Variants in EPC1 observed in about 807,000 individuals in gnomAD.
The protein encoded by EPC1 is enhancer of polycomb 1.
In EPC1, 12 loss-of-function variants were observed where a neutral mutation model predicts 98.4. The ratio of observed to expected loss-of-function variants is 0.12; its 90% confidence interval spans 0.08 to 0.20. The LOEUF is 0.20. Among genes scored for constraint, EPC1 ranks in the 10% least tolerant of loss-of-function variants. The pLI is 1.00. For missense variants in EPC1, 729 were observed against 990.5 expected (o/e 0.74, Z 3.54); for synonymous variants, 357 against 363.9 (o/e 0.98, Z 0.21).
Position 32,311,073 on chromosome 10 carries a change from G to C in EPC1, c.154-5142C>G, listed in dbSNP as rs1267999055. Among the ~76,000 whole-genome samples the C allele has an allele frequency of 3.3e-5, 5 of 152,278 alleles. No homozygotes were observed. The East Asian group carries it at 7.7e-4, about 24-fold the overall frequency. ...CGCCTGTAATCCCAGCACTTTGGGAGGCCAAGGCGGGCGGATCACGAGGTC... is the reference window on the plus strand; with the variant it reads ...CGCCTGTAATCCCAGCACTTTGGGACGCCAAGGCGGGCGGATCACGAGGTC... On this transcript the variant is annotated intron_variant, in intron 1 of 13. Transcript: ENST00000319778.
chr10:32,360,152 T>C (rs115633586), intron 1 of EPC1, among the ~76,000 whole-genome samples: 7,214 of 151,444 alleles, frequency 0.048, 718 homozygotes, highest in African/African-American at 0.16. Flanking sequence ...GTATCATTTA[T>C]GTTTGTATCA....
At chr10:32,289,875 C>T (rs1022227326) in intron 6 of EPC1, among the ~76,000 whole-genome samples, 1 of 152,024 alleles carries the variant, frequency 6.6e-6, no homozygotes, top group South Asian at 2.1e-4. Context: ...CCGCCTGCCT[C>T]GGCTTCCCAG....
intron 1 of EPC1, 71 bp from the exon 2 acceptor site, chr10:32,306,002 G>A (rs1208331215): frequency 7.4e-7 from 1 of 1,349,232 alleles, no homozygotes; most frequent in East Asian, 2.6e-5. Flanking sequence ...TAGCCAAAAA[G>A]GTTTTTTTGG....
At chr10:32,354,718 A>G (rs1839220635) in intron 1 of EPC1, among the ~76,000 whole-genome samples, 1 of 151,696 alleles carries the variant, frequency 6.6e-6, no homozygotes, top group African/African-American at 2.4e-5. Context: ...CACACAGCAC[A>G]GAAGTGGGTG....
chr10:32,367,098 C>T (rs1231518234), intron 1 of EPC1, among the ~76,000 whole-genome samples: 3 of 152,172 alleles, frequency 2.0e-5, no homozygotes, highest in African/African-American at 4.8e-5. Context: ...TGGGTTCAAG[C>T]GATTCTCCTG....
intron 1 of EPC1, among the ~76,000 whole-genome samples, chr10:32,357,971 C>T (rs1839329267): frequency 6.6e-6 from 1 of 151,304 alleles, no homozygotes; most frequent in Non-Finnish European, 1.5e-5. Context: ...TCTCCTGCCT[C>T]AGCCTCCCGA....
intron 1 of EPC1, among the ~76,000 whole-genome samples, chr10:32,306,776 T>G (rs1316001657): frequency 6.6e-6 from 1 of 152,140 alleles, no homozygotes; most frequent in African/African-American, 2.4e-5. Flanking sequence ...TAGTTTGTGA[T>G]ACTACCAACT....
At chr10:32,269,390 A>C (rs971119426) in intron 13 of EPC1, 1 of 325,874 alleles carries the variant, frequency 3.1e-6, no homozygotes, top group African/African-American at 2.2e-5. Context: ...CTAGATGTTA[A>C]AAACAAAGAA....
At chr10:32,340,548 G>GGCCAGGT (rs1178537077) in intron 1 of EPC1, among the ~76,000 whole-genome samples, 1 of 152,130 alleles carries the variant, frequency 6.6e-6, no homozygotes, top group East Asian at 1.9e-4. Context: ...GCAATTCTAG[G>GGCCAGGT]GCCAGGTGCA....
intron 1 of EPC1, among the ~76,000 whole-genome samples, chr10:32,367,964 C>T (rs780124277): frequency 1.4e-4 from 22 of 152,170 alleles, no homozygotes; most frequent in Non-Finnish European, 2.5e-4. Flanking sequence ...AAGCGAATGT[C>T]TTCTGCGTCT....
chr10:32,279,406 A>G (rs999211641), intron 10 of EPC1, among the ~76,000 whole-genome samples: 43 of 152,120 alleles, frequency 2.8e-4, no homozygotes, highest in African/African-American at 1.0e-3. Context: ...GAATAAAGTC[A>G]AGGTCCTGCA....
chr10:32,320,092 T>C (rs1836805207), intron 1 of EPC1, among the ~76,000 whole-genome samples: 1 of 152,128 alleles, frequency 6.6e-6, no homozygotes, highest in Non-Finnish European at 1.5e-5. Context: ...TAGGGCAAAG[T>C]GTTAACACGT....
chr10:32,347,018 A>G lies in EPC1; in HGVS notation c.-103T>C, dbSNP rs1592628421. ...CCCCACTCGCCAACCGCTGCCGGGGACTTGAGGGGCGGAGCGCAGAGCCCG... is the reference window on the plus strand; with the variant it reads ...CCCCACTCGCCAACCGCTGCCGGGGGCTTGAGGGGCGGAGCGCAGAGCCCG... On this transcript the variant is annotated 5_prime_UTR_variant, in exon 1 of 14. Coordinates refer to ENST00000319778, the MANE Select transcript of EPC1 (RefSeq NM_001272004.3). 6.6e-7 allele frequency: 1 copy of G among 1,517,128 alleles called. No homozygotes were observed. The highest frequency in any genetic ancestry group is 8.8e-7 in the Non-Finnish European group (1 of 1,139,496). 94.0% of individuals were successfully genotyped at this position (1,517,128 alleles called of 1,614,324 possible). A position where few individuals can be genotyped will look rare whatever the true frequency, so the allele number is the denominator to read the frequency against.
chr10:32,339,910 A>T lies in EPC1; in HGVS notation c.153+6853T>A, dbSNP rs1838231588. ...GGTAGGGAAAGTTTCCTTAGGATAC[A>T]CAATTGCTATTTGGATGCTCAGAGG... On this transcript the variant is annotated intron_variant, in intron 1 of 13. Transcript: ENST00000319778. Among the ~76,000 whole-genome samples the T allele has an allele frequency of 3.3e-5, 5 of 152,246 alleles. No individual in the cohort carries two copies. The South Asian group carries it at 1.0e-3, about 32-fold the overall frequency.
chr10:32,334,367 T>C (rs1266490802), intron 1 of EPC1, among the ~76,000 whole-genome samples: 1 of 151,792 alleles, frequency 6.6e-6, no homozygotes, highest in South Asian at 2.1e-4. Context: ...TTAAGGAACA[T>C]CCAAGAAGTC....
At chr10:32,283,311 C>T (rs1306673386) in intron 10 of EPC1, 1 of 149,234 alleles carries the variant, frequency 6.7e-6, no homozygotes, top group Non-Finnish European at 1.5e-5. Flanking sequence ...TATTTTCTCT[C>T]CTTTATGAAT....
At chr10:32,291,075 C>A (rs572690151) in intron 6 of EPC1, 88 bp downstream of exon 6, 12 of 1,266,916 alleles carry the variant, frequency 9.5e-6, no homozygotes, top group Admixed American at 2.0e-5. Context: ...CTGTGCCCGG[C>A]CTATGTGTGT....
intron 6 of EPC1, 85 bp downstream of exon 6, chr10:32,291,078 A>C: frequency 1.6e-6 from 2 of 1,282,740 alleles, no homozygotes; most frequent in Admixed American, 2.0e-5. Flanking sequence ...TGCCCGGCCT[A>C]TGTGTGTTTT....
intron 1 of EPC1, among the ~76,000 whole-genome samples, chr10:32,358,972 A>C (rs1839363674): frequency 6.6e-6 from 1 of 152,218 alleles, no homozygotes; most frequent in Admixed American, 6.5e-5. Flanking sequence ...GTAGAGGCTC[A>C]CCATGTATAG....
Sources: gnomAD v4.1 joint callset for allele counts (sites outside exome capture counted in the v4.1 genomes callset) on GRCh38, gnomAD v4.1.1 for gene constraint, MANE v1.5 for transcripts, NCBI Gene and HGNC (gene_info 2026-07-23, HGNC 2026-07-21) for gene names.